Variants in YAF2 observed in about 807,000 individuals in gnomAD.
YAF2 encodes YY1 associated factor 2, also known as YY1-associated factor 2.
In YAF2, 7 loss-of-function variants were observed where a neutral mutation model predicts 20.1. The observed-to-expected ratio is 0.35, with a 90% CI of 0.20 to 0.65. The LOEUF (loss-of-function observed/expected upper bound fraction) is 0.65. Ranked by LOEUF, YAF2 falls within the 30% of genes least tolerant of loss-of-function variation. The pLI is 0.69. For missense variants in YAF2, 151 were observed against 219.2 expected, an observed-to-expected ratio of 0.69 and a Z score of 1.96; for synonymous variants, 74 against 76.0, an observed-to-expected ratio of 0.97 and a Z score of 0.14.
chr12:42,180,895 C>T (rs1355905879), intron 2 of YAF2, among the ~76,000 whole-genome samples: 2 of 152,126 alleles, frequency 1.3e-5, no homozygotes, highest in Non-Finnish European at 2.9e-5. Context: ...TTGCAGTAAG[C>T]TGAGATTGTG....
chr12:42,185,176 G>GCAAA (rs3990969), intron 2 of YAF2, among the ~76,000 whole-genome samples: 2,929 of 151,306 alleles, frequency 0.019, 87 homozygotes, highest in African/African-American at 0.062. Context: ...AGACTTTGTC[G>GCAAA]CAAACAAACA....
chr12:42,238,017 C>T, intron 1 of YAF2, 138 bp downstream of exon 1: 3 of 674,030 alleles, frequency 4.5e-6, no homozygotes, highest in Non-Finnish European at 6.1e-6. Context: ...CCCCCTCAAG[C>T]GGCAGCACTC....
chr12:42,227,704 G>A (rs1402323283), intron 2 of YAF2, among the ~76,000 whole-genome samples: 2 of 150,922 alleles, frequency 1.3e-5, no homozygotes, highest in Non-Finnish European at 3.0e-5. Flanking sequence ...TCTGGGAAGT[G>A]AGGAGCGTCT....
chr12:42,170,639 GTC>G (rs2066023193), intron 2 of YAF2, among the ~76,000 whole-genome samples: 2 of 151,906 alleles, frequency 1.3e-5, no homozygotes, highest in Non-Finnish European at 2.9e-5. Context: ...GTGAAACCCT[GTC>G]TCTACTAAAA....
At chr12:42,195,304 C>G (rs1209522270) in intron 2 of YAF2, among the ~76,000 whole-genome samples, 1 of 152,134 alleles carries the variant, frequency 6.6e-6, no homozygotes, top group African/African-American at 2.4e-5. Flanking sequence ...TCACGTAAAG[C>G]ACAGGTTACG....
At chr12:42,236,375 C>G (rs1291187731) in intron 2 of YAF2, among the ~76,000 whole-genome samples, 1 of 152,208 alleles carries the variant, frequency 6.6e-6, no homozygotes, top group East Asian at 1.9e-4. Context: ...ATTTAGCATA[C>G]GTTTGAAAGT....
At chr12:42,161,134 A>T (rs2065790422) in intron 3 of YAF2, 2 of 338,604 alleles carry the variant, frequency 5.9e-6, no homozygotes, top group East Asian at 1.4e-4. Context: ...TGTTTTAGAC[A>T]ACAATGAAAT....
chr12:42,180,905 G>A (rs755736255), intron 2 of YAF2, among the ~76,000 whole-genome samples: 4 of 152,116 alleles, frequency 2.6e-5, no homozygotes, highest in Non-Finnish European at 5.9e-5. Context: ...CTGAGATTGT[G>A]CCACTGCACT....
chr12:42,227,609 C>A (rs1468696069), intron 2 of YAF2, among the ~76,000 whole-genome samples: 1 of 149,818 alleles, frequency 6.7e-6, no homozygotes, highest in African/African-American at 2.5e-5. Context: ...CTGGCAACCA[C>A]CCCGTCTGAG....
intron 2 of YAF2, among the ~76,000 whole-genome samples, chr12:42,214,337 T>G (rs1397492608): frequency 6.6e-6 from 1 of 152,228 alleles, no homozygotes; most frequent in African/African-American, 2.4e-5. Flanking sequence ...AGTGGCACAA[T>G]CTCAGCTCAC....
chr12:42,206,653 A>C (rs2067052184), intron 2 of YAF2, among the ~76,000 whole-genome samples: 1 of 151,970 alleles, frequency 6.6e-6, no homozygotes, highest in South Asian at 2.1e-4. Context: ...AAATCACCTT[A>C]GACAAACTGT....
At chr12:42,234,547 A>G (rs1306431424) in intron 2 of YAF2, 1 of 985,318 alleles carries the variant, frequency 1.0e-6, no homozygotes, top group Non-Finnish European at 1.2e-6. Context: ...ACAACAAATC[A>G]TTTTATTTTG....
At position 42,180,513 on chromosome 12, in the gene YAF2, G is replaced by A. The variant is rs138202029; in HGVS notation, c.153-18748C>T. 9.7e-3 allele frequency among the ~76,000 whole-genome samples: 1,474 copies of A among 152,344 alleles called. 11 individuals are homozygous for A. Among genetic ancestry groups the A allele is most frequent in the Non-Finnish European group, 0.015 (1,023 of 68,034 alleles). ...CTGCAGCCTTGTATCAGGAGATCCT[G>A]AATCAGAGGACCCAGCTGAGCTGTA... On this transcript the variant is annotated intron_variant, in intron 2 of 3. Transcript: ENST00000534854.
intron 2 of YAF2, among the ~76,000 whole-genome samples, chr12:42,189,998 C>T (rs937264511): frequency 2.0e-5 from 3 of 152,106 alleles, no homozygotes; most frequent in Non-Finnish European, 2.9e-5. Flanking sequence ...TCAAAATATG[C>T]TGTTTTAATA....
chr12:42,236,057 T>C (rs1592075807), intron 2 of YAF2: 1 of 1,522,188 alleles, frequency 6.6e-7, no homozygotes, highest in Non-Finnish European at 8.8e-7. Flanking sequence ...TACAAGAAAA[T>C]AGAGAGGGAA....
intron 2 of YAF2, among the ~76,000 whole-genome samples, chr12:42,215,660 C>T (rs2067332137): frequency 6.6e-6 from 1 of 152,136 alleles, no homozygotes; most frequent in Non-Finnish European, 1.5e-5. Context: ...TGGTGGCTCA[C>T]ACCTATAATC....
intron 2 of YAF2, among the ~76,000 whole-genome samples, chr12:42,198,215 T>G (rs894180405): frequency 2.6e-5 from 4 of 152,186 alleles, no homozygotes; most frequent in Non-Finnish European, 4.4e-5. Context: ...GAGATGATGA[T>G]AATTATAATC....
intron 2 of YAF2, among the ~76,000 whole-genome samples, chr12:42,204,084 C>CA (rs1007742466): frequency 7.3e-5 from 11 of 150,714 alleles, no homozygotes; most frequent in East Asian, 3.9e-4. Context: ...ACCAACCAAA[C>CA]AAAAAAAAAT....
chr12:42,169,315 A>G (rs1259173648), intron 2 of YAF2, among the ~76,000 whole-genome samples: 1 of 152,116 alleles, frequency 6.6e-6, no homozygotes, highest in Non-Finnish European at 1.5e-5. Context: ...GGTCCTTCTC[A>G]GTCATCTTAT....
Sources: allele counts gnomAD v4.1 joint callset (sites outside exome capture counted in the v4.1 genomes callset), GRCh38; gene constraint gnomAD v4.1.1; transcripts MANE v1.5; gene names NCBI Gene and HGNC (gene_info 2026-07-23, HGNC 2026-07-21).